CASP10: variants seen among roughly 807,000 people sequenced by gnomAD.
CASP10 encodes caspase-10.
CASP10 carries 41 observed loss-of-function variants against 48.5 expected under a neutral mutation model. The ratio of observed to expected loss-of-function variants is 0.85; its 90% CI spans 0.66 to 1.10. The LOEUF (loss-of-function observed/expected upper bound fraction) is 1.10. CASP10 is among the 50% of genes least tolerant of loss of function. The pLI is 0.00. For synonymous variants in CASP10, 232 were observed against 238.4 expected (o/e 0.97, Z 0.25); for missense variants, 614 against 614.5 (o/e 1.00, Z 0.01).
Position 201,221,044 on chromosome 2 carries a change from C to T in CASP10, c.*3303C>T. ...GTCCTATGTGTGCATCTATTTAAAT[C>T]TAACTGTGCTGAGGTGCATATAAAT... On this transcript the variant is annotated 3_prime_UTR_variant, in exon 10 of 10. Transcript: ENST00000286186. 1 of 985,464 alleles carries T rather than the reference C, an allele frequency of 1.0e-6. No individual in the cohort carries two copies. The highest frequency in any genetic ancestry group is 1.2e-6 in the Non-Finnish European group (1 of 829,934). 61.0% of individuals were successfully genotyped at this position (985,464 alleles called of 1,614,324 possible). A position where few individuals can be genotyped will look rare whatever the true frequency, so the allele number is the denominator to read the frequency against.
intron 1 of CASP10, among the ~76,000 whole-genome samples, chr2:201,184,121 C>T (rs989012940): frequency 6.8e-6 from 1 of 147,420 alleles, no homozygotes; most frequent in Non-Finnish European, 1.5e-5. Context: ...GTCCCGAATT[C>T]CTGGCCTCAC....
At chr2:201,227,959 A>C (rs926305061) in intron 9 of CASP10, among the ~76,000 whole-genome samples, 4 of 152,154 alleles carry the variant, frequency 2.6e-5, no homozygotes, top group East Asian at 1.9e-4. Context: ...TGCTGCTGGC[A>C]TTCCTCCACT....
chr2:201,208,402 G>T (rs1388571835), intron 8 of CASP10: 1 of 984,180 alleles, frequency 1.0e-6, no homozygotes, highest in Non-Finnish European at 1.2e-6. Flanking sequence ...AGCATGTACT[G>T]GGGGAGAGCC....
At chr2:201,212,337 T>C (rs1230792200) in intron 9 of CASP10, 1 of 152,138 alleles carries the variant, frequency 6.6e-6, no homozygotes, top group Admixed American at 6.6e-5. Context: ...ACCACAACTA[T>C]AGTGCTAGAG....
At chr2:201,202,937 T>A (rs1945071731) in intron 5 of CASP10, among the ~76,000 whole-genome samples, 1 of 152,188 alleles carries the variant, frequency 6.6e-6, no homozygotes, top group Non-Finnish European at 1.5e-5. Context: ...TCGATTGCCA[T>A]TTTTATTTGT....
Position 201,192,966 on chromosome 2 carries a change from C to A in CASP10, c.442-18C>A, listed in dbSNP as rs1415518439. 6.2e-7 allele frequency: 1 copy of A among 1,611,954 alleles called. No homozygotes were observed. The highest frequency in any genetic ancestry group is 1.1e-5 in the South Asian group (1 of 90,964). ...AATCAATAGGCAAGTAAATGTAACT[C>A]TATTGATTCTCTTGTAGACCTCCCT... On this transcript the variant is annotated intron_variant, in intron 3 of 9. Transcript: ENST00000286186.
chr2:201,196,075 C>T, intron 5 of CASP10, 127 bp downstream of exon 5: 1 of 679,590 alleles, frequency 1.5e-6, no homozygotes, highest in Non-Finnish European at 2.6e-6. Flanking sequence ...TAAATGGTCT[C>T]ACCATGGTGA....
chr2:201,186,110 G>A lies in CASP10; in HGVS notation c.333G>A (p.Arg111=), dbSNP rs746161446. 6.2e-7 allele frequency: 1 copy of A among 1,611,840 alleles called. No individual in the cohort carries two copies. Among genetic ancestry groups the A allele is most frequent in the Non-Finnish European group, 8.5e-7 (1 of 1,179,858 alleles). Reference sequence around the variant, plus strand: ...AGCGACTGCTGCCCACCCGACAAAGGGTTTCTCTGTTTAGGTGAGGACGGG... The same window carrying A: ...AGCGACTGCTGCCCACCCGACAAAGAGTTTCTCTGTTTAGGTGAGGACGGG... ...EVERLLPTRQ[R]VSLFRNLLYE... The change falls in exon 2 of 10, where the codon AGG becomes AGA. Residue 111 remains arginine (R), a synonymous_variant. Transcript: ENST00000286186.
rs890001143 is a variant in CASP10, at chr2:201,218,359, G to A, written c.*618G>A. On this transcript the variant is annotated 3_prime_UTR_variant, in exon 10 of 10. Transcript: ENST00000286186. ...ACTCCGTCACCTGGGCTGGAGTGCAGTGGTGGGATCACTGTTCACTGCAGC... is the reference window on the plus strand; with the variant it reads ...ACTCCGTCACCTGGGCTGGAGTGCAATGGTGGGATCACTGTTCACTGCAGC... 3.1e-6 allele frequency: 3 copies of A among 975,198 alleles called. No individual in the cohort carries two copies. The highest frequency in any genetic ancestry group is 3.7e-6 in the Non-Finnish European group (3 of 819,210). The allele number at this position is 975,198 out of a possible 1,614,324, so 60.4% of individuals were successfully genotyped here.
chr2:201,184,489 A>C (rs571072088), intron 1 of CASP10, among the ~76,000 whole-genome samples: 4 of 152,054 alleles, frequency 2.6e-5, no homozygotes, highest in African/African-American at 9.7e-5. Context: ...ATGCCTGGCT[A>C]ATTTTTGTAT....
At chr2:201,183,509 T>C (rs1237203281) in intron 1 of CASP10, among the ~76,000 whole-genome samples, 1 of 152,148 alleles carries the variant, frequency 6.6e-6, no homozygotes, top group Non-Finnish European at 1.5e-5. Context: ...GGCAGAAATA[T>C]GTTAGCTCAC....
Position 201,185,896 on chromosome 2 carries a change from A to C in CASP10, c.119A>C (p.Lys40Thr). 6.2e-7 allele frequency: 1 copy of C among 1,614,150 alleles called. No homozygotes were observed. The highest frequency in any genetic ancestry group is 2.2e-5 in the East Asian group (1 of 44,888). The change falls in exon 2 of 10, where the codon AAG (lysine) becomes ACG (threonine). Residue 40 changes from lysine (K) to threonine (T), a missense_variant. Physicochemically the swap from Lys to Thr is moderately conservative, Grantham distance 78. Transcript: ENST00000286186. ...NLGVQDVENL[K>T]FLCIGLVPNK... Reference sequence around the variant, plus strand: ...GGGGTCCAAGATGTGGAGAACCTCAAGTTTCTCTGCATAGGATTGGTCCCC... The same window carrying C: ...GGGGTCCAAGATGTGGAGAACCTCACGTTTCTCTGCATAGGATTGGTCCCC...
chr2:201,197,725 C>T (rs901969924), intron 5 of CASP10, among the ~76,000 whole-genome samples: 1 of 152,234 alleles, frequency 6.6e-6, no homozygotes, highest in Non-Finnish European at 1.5e-5. Flanking sequence ...AGTGAGGACT[C>T]ACTGTATTAC....
In CASP10 at chr2:201,205,695, C is replaced by A. The variant is rs552792605; in HGVS notation, c.722-187C>A. 2.4e-3 allele frequency among the ~76,000 whole-genome samples: 358 copies of A among 152,254 alleles called. 2 individuals are homozygous for A. The highest frequency in any genetic ancestry group is 7.9e-3 in the African/African-American group (330 of 41,532). ...CCCTGCCAGCAGCATAGTTTCCAAC[C>A]CAGACAAAGCAAAAAAGAATGCGAA... On this transcript the variant is annotated intron_variant, in intron 6 of 9. Coordinates refer to ENST00000286186, the MANE Select transcript of CASP10 (RefSeq NM_032977.4).
chr2:201,203,915 A>C, intron 6 of CASP10, 149 bp downstream of exon 6: 4 of 723,412 alleles, frequency 5.5e-6, no homozygotes, highest in Non-Finnish European at 9.6e-6. Context: ...AAGGCAAGAC[A>C]TTGAATGCAT....
At position 201,217,888 on chromosome 2, in the gene CASP10, C is replaced by G; in HGVS notation, c.*147C>G. 6.4e-7 allele frequency: 1 copy of G among 1,562,696 alleles called. No homozygotes were observed. Among genetic ancestry groups the G allele is most frequent in the South Asian group, 1.2e-5 (1 of 84,372 alleles). On this transcript the variant is annotated 3_prime_UTR_variant, in exon 10 of 10. Transcript: ENST00000286186. The stretch of plus-strand genomic sequence containing the variant: ...TTCTGACACAGTCAATTCTGATTTT[C>G]TTTTTCTTTTGCAAGTCTAAATGTT...
At chr2:201,191,479 G>A (rs1944609462) in intron 3 of CASP10, among the ~76,000 whole-genome samples, 1 of 152,180 alleles carries the variant, frequency 6.6e-6, no homozygotes, top group African/African-American at 2.4e-5. Flanking sequence ...GATCTGTATT[G>A]GATTTTGCAA....
exon 10 of CASP10, chr2:201,229,030 A>T (rs749913343): frequency 1.4e-5 from 23 of 1,614,174 alleles, no homozygotes; most frequent in Non-Finnish European, 1.7e-5. Context: ...GCCCACGGCC[A>T]TCTCTGCGCA....
Position 201,219,153 on chromosome 2 carries a change from C to T in CASP10, c.*1412C>T. Reference sequence around the variant, plus strand: ...GGTGTGGCGGCGAGCACCTGTAATCCCAGCTACTCGGGAGGCTGAGACAGG... The same window carrying T: ...GGTGTGGCGGCGAGCACCTGTAATCTCAGCTACTCGGGAGGCTGAGACAGG... On this transcript the variant is annotated 3_prime_UTR_variant, in exon 10 of 10. Transcript: ENST00000286186. 2 of 225,194 alleles carry T rather than the reference C, an allele frequency of 8.9e-6. No individual in the cohort carries two copies. The highest frequency in any genetic ancestry group is 1.5e-5 in the Non-Finnish European group (2 of 135,000). The allele number at this position is 225,194 out of a possible 1,614,324, so 13.9% of individuals were successfully genotyped here.
Sources: allele counts gnomAD v4.1 joint callset (sites outside exome capture counted in the v4.1 genomes callset), GRCh38; gene constraint gnomAD v4.1.1; transcripts MANE v1.5; gene names NCBI Gene and HGNC (gene_info 2026-07-23, HGNC 2026-07-21).